Variants in ARFGAP1 observed in about 807,000 individuals in gnomAD.
The protein encoded by ARFGAP1 is ARF GTPase activating protein 1.
Under a neutral mutation model 54.0 loss-of-function variants are expected in ARFGAP1, and 26 were observed. The observed-to-expected ratio is 0.48, with a 90% CI of 0.35 to 0.67. ARFGAP1 has a LOEUF of 0.67. Ranked by LOEUF, ARFGAP1 falls within the 30% of genes least tolerant of loss-of-function variation. The probability of loss-of-function intolerance (pLI) is 0.00; values close to 1 mark genes in which losing one functional copy is unlikely to be tolerated. For missense variants in ARFGAP1, 525 were observed against 535.8 expected (o/e 0.98, Z 0.20); for synonymous variants, 248 against 211.9 (o/e 1.17, Z -1.48).
chr20:63,274,643 G>A (rs1407264488), intron 1 of ARFGAP1, among the ~76,000 whole-genome samples: 3 of 152,134 alleles, frequency 2.0e-5, no homozygotes, highest in Non-Finnish European at 4.4e-5. Context: ...TGGGCTGGCA[G>A]GGATCCAGGT....
chr20:63,276,317 A>G lies in ARFGAP1; in HGVS notation c.170+117A>G, dbSNP rs1300113141. 7.2e-7 allele frequency: 1 copy of G among 1,383,954 alleles called. No individual in the cohort carries two copies. The highest frequency in any genetic ancestry group is 1.4e-5 in the African/African-American group (1 of 70,194). The allele number at this position is 1,383,954 out of a possible 1,614,324, so 85.7% of individuals were successfully genotyped here. A position where few individuals can be genotyped will look rare whatever the true frequency, so the allele number is the denominator to read the frequency against. ...GGGGGCCACCTCCCATTGCATTGCC[A>G]GTGTCCACTCTAGTGACGCCATGGC... On this transcript the variant is annotated intron_variant, in intron 3 of 12. Transcript: ENST00000370283. The surrounding 1 kb of genome is among the most constrained non-coding windows in gnomAD (Gnocchi z 5.2).
In ARFGAP1 at chr20:63,285,926, A is replaced by G; in HGVS notation, c.834+213A>G. On this transcript the variant is annotated intron_variant, in intron 11 of 12. Transcript: ENST00000370283. Reference sequence around the variant, plus strand: ...GCGGCCCGGTCAGCCACTAACTGTCACTTCTCCCTCTGCTCTTATCTTGCT... The same window carrying G: ...GCGGCCCGGTCAGCCACTAACTGTCGCTTCTCCCTCTGCTCTTATCTTGCT... The G allele has an allele frequency of 3.4e-6, 5 of 1,479,456 alleles. No homozygotes were observed. In the South Asian group the frequency reaches 6.6e-5, roughly 20 times the overall value. The allele number at this position is 1,479,456 out of a possible 1,614,324, so 91.6% of individuals were successfully genotyped here.
intron 8 of ARFGAP1, among the ~76,000 whole-genome samples, chr20:63,282,108 G>A (rs1423293553): frequency 2.0e-5 from 3 of 151,432 alleles, no homozygotes; most frequent in Admixed American, 1.3e-4. Flanking sequence ...GTCACAGCGC[G>A]CACCTGTCAC....
chr20:63,283,226 G>A, intron 9 of ARFGAP1: 1 of 331,194 alleles, frequency 3.0e-6, no homozygotes, highest in Non-Finnish European at 5.6e-6. Context: ...CGGCACACTG[G>A]ACGCGTCTGC....
chr20:63,288,191 G>C lies in ARFGAP1; in HGVS notation c.*318G>C. The C allele has an allele frequency of 3.5e-6, 2 of 570,188 alleles. No individual in the cohort carries two copies. The highest frequency in any genetic ancestry group is 3.5e-5 in the South Asian group (2 of 57,518). 35.3% of individuals were successfully genotyped at this position (570,188 alleles called of 1,614,324 possible). On this transcript the variant is annotated 3_prime_UTR_variant, in exon 13 of 13. Coordinates refer to ENST00000370283, the MANE Select transcript of ARFGAP1 (RefSeq NM_018209.4). ...CTGCAGCACAGAGGCCTGTGACTGCGTTCCAGCGGCCAGTTCACTACGCAG... is the reference window on the plus strand; with the variant it reads ...CTGCAGCACAGAGGCCTGTGACTGCCTTCCAGCGGCCAGTTCACTACGCAG...
intron 10 of ARFGAP1, 48 bp from the exon 11 acceptor site, chr20:63,285,606 C>G: frequency 6.3e-7 from 1 of 1,592,072 alleles, no homozygotes; most frequent in Non-Finnish European, 8.6e-7. Context: ...AAGCTTTAAG[C>G]TTTCATCTCT....
chr20:63,284,619 G>A, intron 9 of ARFGAP1: 1 of 1,362,974 alleles, frequency 7.3e-7, no homozygotes, highest in Non-Finnish European at 9.5e-7. Context: ...CGTGAGGGAG[G>A]ACCCTGGAGG....
intron 9 of ARFGAP1, 192 bp from the exon 10 acceptor site, chr20:63,284,674 C>CTAGA (rs1237549455): frequency 7.0e-7 from 1 of 1,433,310 alleles, no homozygotes; most frequent in Admixed American, 2.5e-5. Flanking sequence ...TCTCCGCCTT[C>CTAGA]TAGAGGTGGC....
chr20:63,279,984 T>C (rs973086881), intron 7 of ARFGAP1, among the ~76,000 whole-genome samples: 1 of 151,950 alleles, frequency 6.6e-6, no homozygotes, highest in African/African-American at 2.4e-5. Context: ...ACTAAAAAAA[T>C]ATAAAAATTA....
At chr20:63,286,827 G>A (rs917664602) in intron 12 of ARFGAP1, 3 of 234,212 alleles carry the variant, frequency 1.3e-5, no homozygotes, top group Non-Finnish European at 2.5e-5. Flanking sequence ...CTGTTCCTCT[G>A]TCTCCCAGAC....
Position 63,282,794 on chromosome 20 carries a change from G to C in ARFGAP1, c.685-25G>C, listed in dbSNP as rs562717425. 14 of 1,613,992 alleles carry C rather than the reference G, an allele frequency of 8.7e-6. No individual in the cohort carries two copies. In the Admixed American group the frequency reaches 2.2e-4, roughly 25 times the overall value. On this transcript the variant is annotated intron_variant, in intron 8 of 12. Coordinates refer to ENST00000370283, the MANE Select transcript of ARFGAP1 (RefSeq NM_018209.4). ...TGGCAGCCCATGTTAAGTCTGTCAA[G>C]CCTTGTCTTTGTTTTTCATTTTAGG...
intron 9 of ARFGAP1, 31 bp from the exon 10 acceptor site, chr20:63,284,835 C>T (rs372591307): frequency 3.4e-5 from 55 of 1,610,988 alleles, no homozygotes; most frequent in Middle Eastern, 3.3e-4. Context: ...GTGGAGCTGT[C>T]GTGGGGCTCA....
Position 63,286,432 on chromosome 20 carries a change from C to T in ARFGAP1, c.901C>T (p.Pro301Ser). The T allele has an allele frequency of 6.2e-7, 1 of 1,613,414 alleles. No homozygotes were observed. Among genetic ancestry groups the T allele is most frequent in the Non-Finnish European group, 8.5e-7 (1 of 1,179,974 alleles). ...CTTTTTTTCGGGGAAAGCAGAGGGC[C>T]CCTTGGACAGGTATGCTGTGTCCCC... ...TTFFSGKAEG[P>S]LDSPSEGHSY... Residue 301 changes from proline (P) to serine (S), a missense_variant, in exon 12 of 13, where the codon CCC (proline) becomes TCC (serine). Pro to Ser is a moderately conservative substitution (Grantham distance 74). Coordinates refer to ENST00000370283, the MANE Select transcript of ARFGAP1 (RefSeq NM_018209.4).
intron 1 of ARFGAP1, among the ~76,000 whole-genome samples, chr20:63,275,218 G>A (rs1257839538): frequency 6.6e-6 from 1 of 152,226 alleles, no homozygotes; most frequent in African/African-American, 2.4e-5. Context: ...CAATCTGTGT[G>A]TATTTTTAAA....
intron 9 of ARFGAP1, chr20:63,284,022 C>T (rs78423273): frequency 0.066 from 97,769 of 1,482,690 alleles, 3,662 homozygotes; most frequent in Middle Eastern, 0.08. Flanking sequence ...GGCCTCGGTC[C>T]GTGGCTCTCC....
chr20:63,281,532 G>A (rs914411498), intron 8 of ARFGAP1, among the ~76,000 whole-genome samples, 185 bp downstream of exon 8: 9 of 152,174 alleles, frequency 5.9e-5, no homozygotes, highest in African/African-American at 2.2e-4. Flanking sequence ...AGGTTCTGCA[G>A]GAACACAGCA....
chr20:63,284,092 C>T, intron 9 of ARFGAP1: 4 of 1,343,182 alleles, frequency 3.0e-6, no homozygotes, highest in Non-Finnish European at 3.8e-6. Flanking sequence ...CTGCGCAGTA[C>T]CACTGCGCTC....
In ARFGAP1 at chr20:63,284,154, C is replaced by T. The variant is rs761804691; in HGVS notation, c.718-712C>T. ...ATCTCCAAAACACACAGACCCCCAACGCAGGCCTGCTGCCGGGGAGGTGCT... is the reference window on the plus strand; with the variant it reads ...ATCTCCAAAACACACAGACCCCCAATGCAGGCCTGCTGCCGGGGAGGTGCT... On this transcript the variant is annotated intron_variant, in intron 9 of 12. Coordinates refer to ENST00000370283, the MANE Select transcript of ARFGAP1 (RefSeq NM_018209.4). 1.3e-4 allele frequency: 175 copies of T among 1,319,118 alleles called. 1 individual carries two copies. The highest frequency in any genetic ancestry group is 1.1e-3 in the South Asian group (50 of 47,320). The allele number at this position is 1,319,118 out of a possible 1,614,324, so 81.7% of individuals were successfully genotyped here.
In ARFGAP1 at chr20:63,272,961, C is replaced by T. The variant is rs1013465040; in HGVS notation, c.-5+41C>T. 2.9e-4 allele frequency: 44 copies of T among 152,184 alleles called. No individual in the cohort carries two copies. The East Asian group carries it at 8.3e-3, about 29-fold the overall frequency. The allele number at this position is 152,184 out of a possible 1,614,324, so 9.4% of individuals were successfully genotyped here. The stretch of plus-strand genomic sequence containing the variant: ...GGCGGCGCGGGCTCGGCCTGAGGCC[C>T]CGGCTGCCGCGGCGTCGTCCCCGGC... On this transcript the variant is annotated intron_variant, in intron 1 of 12. Transcript: ENST00000370283.
Sources: allele counts gnomAD v4.1 joint callset (sites outside exome capture counted in the v4.1 genomes callset), GRCh38; gene constraint gnomAD v4.1.1; non-coding constraint Gnocchi (gnomAD v3.1); transcripts MANE v1.5; gene names NCBI Gene and HGNC (gene_info 2026-07-23, HGNC 2026-07-21).